TUSC3: variants seen among roughly 807,000 people sequenced by gnomAD.
TUSC3 encodes tumor suppressor candidate 3, also known as dolichyl-diphosphooligosaccharide--protein glycosyltransferase subunit TUSC3.
TUSC3 carries 45 observed loss-of-function variants against 44.8 expected under a neutral mutation model. That is an observed-to-expected ratio of 1.00 (90% CI 0.79 to 1.29). The LOEUF is 1.29. TUSC3 is among the 50% of genes most tolerant of loss of function. TUSC3 has a pLI of 0.00. For synonymous variants in TUSC3, 212 were observed against 152.9 expected (o/e 1.39, Z -2.85); for missense variants, 519 against 437.9 (o/e 1.19, Z -1.65).
chr8:15,783,109 G>A, the TUSC3 span, among the ~76,000 whole-genome samples: 1 of 152,076 alleles, frequency 6.6e-6, no homozygotes, highest in Non-Finnish European at 1.5e-5. Context: ...ACTTACAATA[G>A]CATTTAAAAA....
intron 1 of TUSC3, among the ~76,000 whole-genome samples, chr8:15,590,581 A>C (rs1421978155): frequency 6.6e-6 from 1 of 151,658 alleles, no homozygotes; most frequent in Non-Finnish European, 1.5e-5. Flanking sequence ...CCTGAACACC[A>C]CTCTGCCATG....
chr8:15,489,513 A>G (rs1370152068), intron 2 of TUSC3, among the ~76,000 whole-genome samples: 1 of 152,220 alleles, frequency 6.6e-6, no homozygotes, highest in East Asian at 1.9e-4. Flanking sequence ...TCTCTGCAGA[A>G]TATGAATTTC....
intron 6 of TUSC3, among the ~76,000 whole-genome samples, chr8:15,679,266 CT>C (rs1039620673): frequency 1.4e-4 from 21 of 149,068 alleles, no homozygotes; most frequent in South Asian, 6.4e-4. Context: ...TTGGAAGCAT[CT>C]TTTTTTTTTG....
At chr8:15,721,161 T>A (rs1810292384) in intron 6 of TUSC3, among the ~76,000 whole-genome samples, 2 of 152,048 alleles carry the variant, frequency 1.3e-5, no homozygotes, top group South Asian at 4.1e-4. Flanking sequence ...GAAAAAATGA[T>A]CTGTACTTAG....
rs552694385 is a variant in TUSC3 at position 15,577,283 on chromosome 8, G to A, written c.138+36715G>A. Among the ~76,000 whole-genome samples the A allele has an allele frequency of 3.4e-3, 511 of 151,652 alleles. 8 individuals carry two copies. Among genetic ancestry groups the A allele is most frequent in the African/African-American group, 0.012 (487 of 41,432 alleles). ...AGGTTGCCTGTTCACTCTGATGGTA[G>A]TTTCTTTTGCTGTGCAGAAGCTCTT... On this transcript the variant is annotated intron_variant, in intron 1 of 10. Transcript: ENST00000503731.
intron 2 of TUSC3, among the ~76,000 whole-genome samples, chr8:15,511,985 G>A (rs777804976): frequency 9.9e-5 from 15 of 152,108 alleles, no homozygotes; most frequent in Non-Finnish European, 1.5e-5. Context: ...CCAAGTTCCA[G>A]TAAGCGTGTT....
At chr8:15,485,336 T>C (rs1449253965) in intron 2 of TUSC3, among the ~76,000 whole-genome samples, 1 of 152,258 alleles carries the variant, frequency 6.6e-6, no homozygotes, top group Non-Finnish European at 1.5e-5. Flanking sequence ...TTTTGTTTCT[T>C]TGCTGCATTT....
the TUSC3 span, among the ~76,000 whole-genome samples, chr8:15,795,993 A>T: frequency 1.8e-4 from 28 of 152,182 alleles, no homozygotes; most frequent in African/African-American, 6.5e-4. Flanking sequence ...CTGACTGCTT[A>T]GTGTAGGCTT....
At chr8:15,496,189 A>G (rs35152621) in intron 2 of TUSC3, among the ~76,000 whole-genome samples, 49,406 of 152,048 alleles carry the variant, frequency 0.32, 8,211 homozygotes, top group Non-Finnish European at 0.36. Context: ...GTCTCACTGT[A>G]GCACAAAATC....
chr8:15,481,313 A>G (rs77687386), intron 1 of TUSC3, among the ~76,000 whole-genome samples: 11,287 of 151,454 alleles, frequency 0.075, 452 homozygotes, highest in South Asian at 0.11. Flanking sequence ...CTCTGCCGTC[A>G]TCAATGGATT....
chr8:15,555,961 G>T (rs1036640746), intron 1 of TUSC3, among the ~76,000 whole-genome samples: 1 of 151,048 alleles, frequency 6.6e-6, no homozygotes, highest in Non-Finnish European at 1.5e-5. Context: ...AAAACCATTA[G>T]AAAATAGAGG....
rs1372227787 is a variant in TUSC3 at position 15,685,534 on chromosome 8, A to G, written c.798+11698A>G. 3.3e-5 allele frequency among the ~76,000 whole-genome samples: 5 copies of G among 152,302 alleles called. No individual in the cohort carries two copies. The East Asian group carries it at 9.7e-4, about 29-fold the overall frequency. ...GATAGATAATTTGTTCCCTTAACAGAAAGTTTATTATTGATGCTCTGTCAA... is the reference window on the plus strand; with the variant it reads ...GATAGATAATTTGTTCCCTTAACAGGAAGTTTATTATTGATGCTCTGTCAA... On this transcript the variant is annotated intron_variant, in intron 6 of 10. Coordinates refer to ENST00000503731, the MANE Select transcript of TUSC3 (RefSeq NM_006765.4).
chr8:15,785,435 G>A, the TUSC3 span, among the ~76,000 whole-genome samples: 1 of 149,610 alleles, frequency 6.7e-6, no homozygotes, highest in Middle Eastern at 3.6e-3. Context: ...ATTAATTATT[G>A]TGGACACTTT....
chr8:15,589,950 A>C (rs1803755564), intron 1 of TUSC3, among the ~76,000 whole-genome samples: 1 of 152,180 alleles, frequency 6.6e-6, no homozygotes, highest in African/African-American at 2.4e-5. Flanking sequence ...CTTAATGTAG[A>C]CTTGATCTTT....
At chr8:15,440,279 T>A (rs112806807) in intron 1 of TUSC3, among the ~76,000 whole-genome samples, 33 of 152,206 alleles carry the variant, frequency 2.2e-4, no homozygotes, top group African/African-American at 7.5e-4. Context: ...CCTGTGGCCA[T>A]TGGGAGTATG....
intron 6 of TUSC3, among the ~76,000 whole-genome samples, chr8:15,679,436 C>T (rs912649101): frequency 3.3e-5 from 5 of 152,058 alleles, no homozygotes; most frequent in Admixed American, 1.3e-4. Context: ...CCTTTGCCCA[C>T]TTTTTAATGG....
At position 15,607,136 on chromosome 8, in the gene TUSC3, A is replaced by T. The variant is rs530638271; in HGVS notation, c.139-15944A>T. Among the ~76,000 whole-genome samples the T allele has an allele frequency of 3.9e-5, 6 of 152,196 alleles. No homozygotes were observed. In the East Asian group the frequency reaches 1.2e-3, roughly 29 times the overall value. ...TAAAAAGGGCATTTCTCCTGCCACAAATGGTTGGGGGAGAGCGTCTGAACC... is the reference window on the plus strand; with the variant it reads ...TAAAAAGGGCATTTCTCCTGCCACATATGGTTGGGGGAGAGCGTCTGAACC... On this transcript the variant is annotated intron_variant, in intron 1 of 10. Transcript: ENST00000503731.
At chr8:15,796,157 G>T in the TUSC3 span, among the ~76,000 whole-genome samples, 1 of 152,150 alleles carries the variant, frequency 6.6e-6, no homozygotes, top group African/African-American at 2.4e-5. Flanking sequence ...GTCTATGTCG[G>T]TGGATATGTT....
chr8:15,480,705 T>G (rs1248015074), intron 1 of TUSC3, among the ~76,000 whole-genome samples: 1 of 152,218 alleles, frequency 6.6e-6, no homozygotes. Flanking sequence ...CCTTGGTGTC[T>G]CTCTGAATGT....
Sources: allele counts gnomAD v4.1 joint callset (sites outside exome capture counted in the v4.1 genomes callset), GRCh38; gene constraint gnomAD v4.1.1; transcripts MANE v1.5; gene names NCBI Gene and HGNC (gene_info 2026-07-23, HGNC 2026-07-21).